Variants in NEGR1 observed in about 807,000 individuals in gnomAD.
The protein encoded by NEGR1 is neuronal growth regulator 1, also known as IgLON family member 4.
In NEGR1, 10 loss-of-function variants were observed where a neutral mutation model predicts 40.9. That is an observed-to-expected ratio of 0.24 (90% confidence interval 0.15 to 0.42). The LOEUF (loss-of-function observed/expected upper bound fraction) is 0.42. Among genes scored for constraint, NEGR1 ranks in the 10% least tolerant of loss-of-function variants. The pLI is 1.00. For missense variants in NEGR1, 352 were observed against 438.9 expected (o/e 0.80, Z 1.77); for synonymous variants, 185 against 166.8 (o/e 1.11, Z -0.84).
chr1:72,279,791 A>G (rs1340557193), intron 1 of NEGR1, among the ~76,000 whole-genome samples: 1 of 152,220 alleles, frequency 6.6e-6, no homozygotes, highest in Non-Finnish European at 1.5e-5. Context: ...GAGAAGAGTC[A>G]AGAAAAAAAT....
chr1:72,276,147 C>T (rs1191733755), intron 1 of NEGR1, among the ~76,000 whole-genome samples: 1 of 151,906 alleles, frequency 6.6e-6, no homozygotes, highest in African/African-American at 2.4e-5. Context: ...CTATACTGTT[C>T]TAATTTCTGC....
At chr1:71,655,501 C>T (rs1651847897) in intron 4 of NEGR1, among the ~76,000 whole-genome samples, 2 of 152,254 alleles carry the variant, frequency 1.3e-5, no homozygotes, top group South Asian at 4.1e-4. Flanking sequence ...AGTGAATGCT[C>T]CTTTAGTACT....
In NEGR1 at chr1:71,831,555, C is replaced by A. The variant is rs116641010; in HGVS notation, c.410-55258G>T. 5.3e-3 allele frequency among the ~76,000 whole-genome samples: 798 copies of A among 151,926 alleles called. 6 individuals carry two copies. Among genetic ancestry groups the A allele is most frequent in the African/African-American group, 0.018 (766 of 41,462 alleles). ...TTCTGGGCACATGGGGTTATAAGAT[C>A]GGGCATGAAAAATTGTTTTCTGTCA... is the stretch of plus-strand genomic sequence containing the variant. On this transcript the variant is annotated intron_variant, in intron 2 of 6. Coordinates refer to ENST00000357731, the MANE Select transcript of NEGR1 (RefSeq NM_173808.3).
At chr1:71,720,839 T>C (rs1040950840) in intron 3 of NEGR1, among the ~76,000 whole-genome samples, 2 of 152,166 alleles carry the variant, frequency 1.3e-5, no homozygotes, top group African/African-American at 4.8e-5. Context: ...AATGTGAGCA[T>C]TATTTATGAT....
intron 2 of NEGR1, among the ~76,000 whole-genome samples, chr1:71,899,029 T>C (rs1339236331): frequency 7.3e-6 from 1 of 137,018 alleles, no homozygotes; most frequent in Non-Finnish European, 1.5e-5. Flanking sequence ...AACTAATGTG[T>C]GTGTGTGCGT....
rs531822522 is a variant in NEGR1, at chr1:71,659,967, A to G, written c.667+38041T>C. Among the ~76,000 whole-genome samples the G allele has an allele frequency of 2.6e-5, 4 of 152,316 alleles. No homozygotes were observed. The South Asian group carries it at 8.3e-4, about 32-fold the overall frequency. On this transcript the variant is annotated intron_variant, in intron 4 of 6. Transcript: ENST00000357731. ...AACTACCATTCGACCCAGTAATCCC[A>G]TTACTGGGTATATACCCAGAAGAAT...
chr1:71,977,528 A>G (rs906418926), intron 1 of NEGR1, among the ~76,000 whole-genome samples: 1 of 152,102 alleles, frequency 6.6e-6, no homozygotes, highest in Non-Finnish European at 1.5e-5. Flanking sequence ...TTTTTAGATG[A>G]CCACTTTAAA....
chr1:72,026,470 T>C (rs924089258), intron 1 of NEGR1, among the ~76,000 whole-genome samples: 1 of 151,878 alleles, frequency 6.6e-6, no homozygotes, highest in African/African-American at 2.4e-5. Context: ...AATTAAAATA[T>C]AATTCTTAAA....
chr1:71,865,871 A>G (rs887448735), intron 2 of NEGR1, among the ~76,000 whole-genome samples: 1 of 152,190 alleles, frequency 6.6e-6, no homozygotes, highest in African/African-American at 2.4e-5. Flanking sequence ...TAATAAAAAA[A>G]TCTATTTGTA....
intron 1 of NEGR1, among the ~76,000 whole-genome samples, chr1:72,084,999 A>G (rs771119101): frequency 6.6e-5 from 10 of 152,170 alleles, no homozygotes; most frequent in African/African-American, 9.6e-5. Flanking sequence ...TTACAGACAA[A>G]ATGAAAACGT....
chr1:72,036,206 T>C (rs1358070706), intron 1 of NEGR1, among the ~76,000 whole-genome samples: 3 of 152,164 alleles, frequency 2.0e-5, no homozygotes, highest in Non-Finnish European at 4.4e-5. Flanking sequence ...AGCAATCTAT[T>C]TTCCTAGACT....
intron 1 of NEGR1, among the ~76,000 whole-genome samples, chr1:71,980,619 T>G (rs1646346361): frequency 6.6e-6 from 1 of 152,136 alleles, no homozygotes; most frequent in South Asian, 2.1e-4. Context: ...GATCCACCTT[T>G]CCATGGCTTC....
intron 1 of NEGR1, among the ~76,000 whole-genome samples, chr1:72,014,338 T>C (rs1646689306): frequency 1.3e-5 from 2 of 149,950 alleles, no homozygotes; most frequent in South Asian, 4.2e-4. Context: ...GTCACATAAG[T>C]GGTAAGTGAT....
chr1:71,878,593 C>A (rs1343845239), intron 2 of NEGR1, among the ~76,000 whole-genome samples: 3 of 152,076 alleles, frequency 2.0e-5, no homozygotes, highest in Non-Finnish European at 4.4e-5. Flanking sequence ...GTATTTGTCA[C>A]CATTATGAAA....
intron 1 of NEGR1, among the ~76,000 whole-genome samples, chr1:72,163,580 A>G (rs1651665373): frequency 6.6e-6 from 1 of 152,106 alleles, no homozygotes; most frequent in East Asian, 1.9e-4. Flanking sequence ...TAGATTTAGT[A>G]CATGTTATCT....
chr1:71,726,224 A>G (rs1654670325), intron 3 of NEGR1, among the ~76,000 whole-genome samples: 2 of 152,068 alleles, frequency 1.3e-5, no homozygotes, highest in Non-Finnish European at 2.9e-5. Flanking sequence ...TTCTGCAAGT[A>G]ATCATAAAGT....
In NEGR1 at chr1:71,967,580, C is replaced by T. The variant is rs895951591; in HGVS notation, c.177-32269G>A. On this transcript the variant is annotated intron_variant, in intron 1 of 6. Coordinates refer to ENST00000357731, the MANE Select transcript of NEGR1 (RefSeq NM_173808.3). ...AGAGTTTTATCTCAAAGCAAATTAACCTTATAATTATACATATAACAAATA... is the reference window on the plus strand; with the variant it reads ...AGAGTTTTATCTCAAAGCAAATTAATCTTATAATTATACATATAACAAATA... Among the ~76,000 whole-genome samples, 29 of 152,094 alleles carry T rather than the reference C, an allele frequency of 1.9e-4. 2 individuals carry two copies. Among genetic ancestry groups the T allele is most frequent in the Admixed American group, 1.4e-3 (22 of 15,268 alleles).
intron 1 of NEGR1, among the ~76,000 whole-genome samples, chr1:72,130,285 G>A (rs1020091628): frequency 2.6e-5 from 4 of 152,120 alleles, no homozygotes; most frequent in Non-Finnish European, 5.9e-5. Context: ...AGATAAAGTT[G>A]TTTAGGTTTT....
At chr1:72,258,120 G>A (rs745609949) in intron 1 of NEGR1, among the ~76,000 whole-genome samples, 2 of 152,112 alleles carry the variant, frequency 1.3e-5, no homozygotes, top group Non-Finnish European at 2.9e-5. Context: ...AGGGCCACTG[G>A]GCTATGACTC....
Sources: allele counts gnomAD v4.1 joint callset (sites outside exome capture counted in the v4.1 genomes callset), GRCh38; gene constraint gnomAD v4.1.1; transcripts MANE v1.5; gene names NCBI Gene and HGNC (gene_info 2026-07-23, HGNC 2026-07-21).